ILK: variants seen among roughly 807,000 people sequenced by gnomAD.
ILK encodes the protein integrin linked kinase, also known as scaffold protein ILK.
In ILK, 37 loss-of-function variants were observed where a neutral mutation model predicts 57.8. That is an observed-to-expected ratio of 0.64 (90% CI 0.49 to 0.84). ILK has a LOEUF of 0.84. ILK is among the 40% of genes least tolerant of loss of function. The pLI is 0.00. For synonymous variants in ILK, 231 were observed against 202.2 expected (o/e 1.14, Z -1.21); for missense variants, 528 against 595.7 (o/e 0.89, Z 1.18).
chr11:6,609,910 CCTT>C, intron 10 of ILK, 23 bp from the exon 11 acceptor site: 1 of 1,614,184 alleles, frequency 6.2e-7, no homozygotes, highest in Non-Finnish European at 8.5e-7. Context: ...TGACTTACCT[CCTT>C]CTATCTGTTT....
chr11:6,609,567 GCTC>G lies in ILK; in HGVS notation c.788_790del (p.Pro263del). The G allele has an allele frequency of 6.2e-7, 1 of 1,614,142 alleles. No homozygotes were observed. Among genetic ancestry groups the G allele is most frequent in the Non-Finnish European group, 8.5e-7 (1 of 1,180,014 alleles). On this transcript the variant is annotated inframe_deletion, in exon 9 of 13. Coordinates refer to ENST00000299421, the MANE Select transcript of ILK (RefSeq NM_004517.4). ...GCTAGGTGCCTGCCAGTCTCCACCT[GCTC>G]CTCATCCTACTCTCATCACACACTG...
chr11:6,609,653 T>C lies in ILK; in HGVS notation c.856+14T>C, dbSNP rs1855301341. On this transcript the variant is annotated intron_variant, in intron 9 of 12. Coordinates refer to ENST00000299421, the MANE Select transcript of ILK (RefSeq NM_004517.4). ...ATGAAGGCACCAGTGAGTAGGGATG[T>C]TGAATTTCCTTGGGGAGGAAATGGC... 1 of 1,614,054 alleles carries C rather than the reference T, an allele frequency of 6.2e-7. No individual in the cohort carries two copies. Among genetic ancestry groups the C allele is most frequent in the Non-Finnish European group, 8.5e-7 (1 of 1,180,026 alleles).
intron 2 of ILK, chr11:6,606,426 C>T (rs1259363134): frequency 6.6e-6 from 1 of 152,164 alleles, no homozygotes; most frequent in Non-Finnish European, 1.5e-5. Flanking sequence ...CTCTTTAATA[C>T]TTTGCAAAGT....
At chr11:6,610,361 A>AT in intron 12 of ILK, 83 bp downstream of exon 12, 1 of 1,613,224 alleles carries the variant, frequency 6.2e-7, no homozygotes, top group African/African-American at 1.3e-5. Flanking sequence ...GGCTCCTCAC[A>AT]TATTTGTTCG....
chr11:6,610,123 G>C (rs372670325), intron 11 of ILK, 25 bp from the exon 12 acceptor site: 681 of 1,614,170 alleles, frequency 4.2e-4, no homozygotes, highest in South Asian at 9.6e-4. Flanking sequence ...AAGGGGGCCA[G>C]AACAGACAAG....
intron 2 of ILK, 68 bp from the exon 3 acceptor site, chr11:6,607,978 T>C (rs1855095238): frequency 5.9e-6 from 9 of 1,527,274 alleles, no homozygotes; most frequent in Non-Finnish European, 8.1e-6. Context: ...TAATTATCAG[T>C]TTTTCAGGAA....
chr11:6,606,487 G>C (rs1810249667), intron 2 of ILK: 1 of 152,186 alleles, frequency 6.6e-6, no homozygotes. Context: ...GATAAAGACA[G>C]TAAGCACTGT....
intron 2 of ILK, 71 bp from the exon 3 acceptor site, chr11:6,607,975 C>T: frequency 6.8e-7 from 1 of 1,479,620 alleles, no homozygotes; most frequent in Non-Finnish European, 9.4e-7. Flanking sequence ...ATGTAATTAT[C>T]AGTTTTTCAG....
intron 12 of ILK, 33 bp from the exon 13 acceptor site, chr11:6,610,429 A>G (rs376415144): frequency 5.7e-5 from 92 of 1,614,014 alleles, no homozygotes; most frequent in Non-Finnish European, 7.2e-5. Flanking sequence ...ACAGACTCAA[A>G]TTGTGAGGCT....
chr11:6,609,464 G>C, intron 8 of ILK, 48 bp from the exon 9 acceptor site: 1 of 1,614,088 alleles, frequency 6.2e-7, no homozygotes, highest in Non-Finnish European at 8.5e-7. Context: ...GAATAGCACT[G>C]AAAGAGATCT....
rs754711553 is a variant in ILK, at chr11:6,609,164, CTGCCCTTCT to C, written c.618+17_618+25del. On this transcript the variant is annotated intron_variant, in intron 7 of 12. Coordinates refer to ENST00000299421, the MANE Select transcript of ILK (RefSeq NM_004517.4). The stretch of plus-strand genomic sequence containing the variant: ...GAGAATCACTCTGGAGAGGTGACCC[CTGCCCTTCT>C]TGCCCTTCCCTCACTAAACCCCCAT... 6.2e-7 allele frequency: 1 copy of C among 1,612,914 alleles called. No individual in the cohort carries two copies. Among genetic ancestry groups the C allele is most frequent in the Non-Finnish European group, 8.5e-7 (1 of 1,178,994 alleles).
rs952639348 is a variant in ILK at position 6,610,518 on chromosome 11, T to C, written c.1266T>C (p.Cys422=). Reference sequence around the variant, plus strand: ...CACCAGGTATTTCCCCTCATGTGTGTAAGCTCATGAAGATCTGCATGAATG... The same window carrying C: ...CACCAGGTATTTCCCCTCATGTGTGCAAGCTCATGAAGATCTGCATGAATG... ...TIPPGISPHV[C]KLMKICMNED... The change falls in exon 13 of 13, where the codon TGT becomes TGC. Residue 422 remains cysteine, a synonymous_variant. Coordinates refer to ENST00000299421, the MANE Select transcript of ILK (RefSeq NM_004517.4). 8 of 1,614,104 alleles carry C rather than the reference T, an allele frequency of 5.0e-6. No individual in the cohort carries two copies. In the African/African-American group the frequency reaches 5.3e-5, roughly 11 times the overall value.
chr11:6,610,070 G>C (rs1295130573), intron 11 of ILK, 35 bp downstream of exon 11: 1 of 1,613,896 alleles, frequency 6.2e-7, no homozygotes, highest in East Asian at 2.2e-5. Context: ...GGTAAAAAAG[G>C]ACCACCTCAG....
chr11:6,604,931 G>A, intron 2 of ILK: 1 of 455,952 alleles, frequency 2.2e-6, no homozygotes, highest in Non-Finnish European at 4.4e-6. Context: ...TGATGTCTTG[G>A]ACTAGAATTA....
Position 6,610,548 on chromosome 11 carries a change from C to T in ILK, c.1296C>T (p.Asp432=), listed in dbSNP as rs765285266. 1.2e-5 allele frequency: 20 copies of T among 1,614,206 alleles called. No homozygotes were observed. In the Admixed American group the frequency reaches 3.3e-4, roughly 27 times the overall value. ...TCATGAAGATCTGCATGAATGAAGA[C>T]CCTGCAAAGCGACCCAAATTTGACA... is the stretch of plus-strand genomic sequence containing the variant. ...CKLMKICMNE[D]PAKRPKFDMI... Residue 432 remains aspartate, a synonymous_variant, in exon 13 of 13, where the codon GAC becomes GAT. Coordinates refer to ENST00000299421, the MANE Select transcript of ILK (RefSeq NM_004517.4).
At chr11:6,609,892 C>CCTAT in intron 10 of ILK, 44 bp from the exon 11 acceptor site, 1 of 1,614,190 alleles carries the variant, frequency 6.2e-7, no homozygotes, top group Non-Finnish European at 8.5e-7. Flanking sequence ...AAGCCCTTTG[C>CCTAT]CTATCTATGA....
rs1419667715 is a variant in ILK, at chr11:6,608,355, A to G, written c.256-39A>G. The G allele has an allele frequency of 6.3e-7, 1 of 1,596,774 alleles. No individual in the cohort carries two copies. The highest frequency in any genetic ancestry group is 1.1e-5 in the South Asian group (1 of 90,726). ...CAGTATCTCATTTGGAACTGACTGT[A>G]CTTTCTGCCTCTTCTTTTTGTCTGG... is the stretch of plus-strand genomic sequence containing the variant. On this transcript the variant is annotated intron_variant, in intron 3 of 12. Transcript: ENST00000299421. The surrounding 1 kb of genome is among the most constrained non-coding windows in gnomAD (Gnocchi z 4.9).
chr11:6,604,046 GA>G, intron 1 of ILK, 133 bp from the exon 2 acceptor site: 2 of 608,818 alleles, frequency 3.3e-6, no homozygotes, highest in Non-Finnish European at 5.9e-6. Context: ...TGCCCACCCT[GA>G]CCCGCCTTTA....
chr11:6,609,272 G>A (rs775144515), intron 7 of ILK, 27 bp from the exon 8 acceptor site: 8 of 1,610,066 alleles, frequency 5.0e-6, no homozygotes, highest in Admixed American at 1.7e-5. Context: ...AACATTTCAA[G>A]CCTCCTAACC....
Sources: gnomAD v4.1 joint callset for allele counts on GRCh38, gnomAD v4.1.1 for gene constraint, Gnocchi (gnomAD v3.1) non-coding constraint, MANE v1.5 for transcripts, NCBI Gene and HGNC (gene_info 2026-07-23, HGNC 2026-07-21) for gene names.